RNF144A: variants seen among roughly 807,000 people sequenced by gnomAD.
RNF144A encodes the protein ring finger protein 144A, also known as E3 ubiquitin-protein ligase RNF144A.
In RNF144A, 11 loss-of-function variants were observed where a neutral mutation model predicts 38.7. That is an observed-to-expected ratio of 0.28 (90% CI 0.18 to 0.47). RNF144A has a LOEUF of 0.47. RNF144A is among the 20% of genes least tolerant of loss of function. RNF144A has a pLI of 0.99. For synonymous variants in RNF144A, 149 were observed against 143.9 expected (o/e 1.04, Z -0.25); for missense variants, 316 against 377.2 (o/e 0.84, Z 1.34).
intron 6 of RNF144A, among the ~76,000 whole-genome samples, chr2:7,055,199 G>A (rs759044395): frequency 6.6e-6 from 1 of 152,182 alleles, no homozygotes; most frequent in East Asian, 1.9e-4. Context: ...GCAAATGATG[G>A]AATTATTCAA....
At chr2:7,037,113 A>T (rs1162963570) in intron 8 of RNF144A, among the ~76,000 whole-genome samples, 4 of 152,186 alleles carry the variant, frequency 2.6e-5, no homozygotes, top group African/African-American at 9.7e-5. Flanking sequence ...CAAGTATCTG[A>T]CACACATCCA....
rs542370312 is a variant in RNF144A, at chr2:6,936,416, G to C, written c.-211-4532G>C. ...ATAGATGCATGTGTGTGTGTGTATA[G>C]ATAAATACTCAGACTGCAAAGTTCT... On this transcript the variant is annotated intron_variant, in intron 1 of 8. Transcript: ENST00000320892. Among the ~76,000 whole-genome samples, 13 of 151,834 alleles carry C rather than the reference G, an allele frequency of 8.6e-5. No homozygotes were observed. In the East Asian group the frequency reaches 2.5e-3, roughly 30 times the overall value.
chr2:7,059,413 C>T (rs1490966264), intron 6 of RNF144A, among the ~76,000 whole-genome samples: 2 of 152,204 alleles, frequency 1.3e-5, no homozygotes, highest in Non-Finnish European at 2.9e-5. Flanking sequence ...AAGGCTTCAG[C>T]TTTCAGTACG....
chr2:7,022,664 T>G lies in RNF144A; in HGVS notation c.510-1705T>G, dbSNP rs577315859. Among the ~76,000 whole-genome samples, 6 of 152,342 alleles carry G rather than the reference T, an allele frequency of 3.9e-5. No individual in the cohort carries two copies. The East Asian group carries it at 1.2e-3, about 29-fold the overall frequency. ...ACACCTGGCTTTCAAACCAAAACAA[T>G]GTTATCTAACCTAAAACCCAACCTT... On this transcript the variant is annotated intron_variant, in intron 6 of 8. Coordinates refer to ENST00000320892, the MANE Select transcript of RNF144A (RefSeq NM_014746.6).
chr2:7,060,514 CT>C (rs1430392441), intron 6 of RNF144A, among the ~76,000 whole-genome samples: 1 of 152,182 alleles, frequency 6.6e-6, no homozygotes, highest in African/African-American at 2.4e-5. Context: ...CCTTTATAAC[CT>C]TTCCCCCTGG....
intron 2 of RNF144A, among the ~76,000 whole-genome samples, chr2:6,971,637 G>A (rs1668004329): frequency 6.6e-6 from 1 of 152,188 alleles, no homozygotes; most frequent in Non-Finnish European, 1.5e-5. Context: ...TCTGGCACGT[G>A]TATGGGGAGC....
Position 7,041,245 on chromosome 2 carries a change from G to A in RNF144A, c.*1485G>A, listed in dbSNP as rs1364080647. On this transcript the variant is annotated 3_prime_UTR_variant, in exon 9 of 9. Coordinates refer to ENST00000320892, the MANE Select transcript of RNF144A (RefSeq NM_014746.6). ...CCCATCACAAGCACATTTTTAAAAT[G>A]TTGCTTTGTGTGTGTTTGACTTCTG... 1 of 985,588 alleles carries A rather than the reference G, an allele frequency of 1.0e-6. No individual in the cohort carries two copies. Among genetic ancestry groups the A allele is most frequent in the Non-Finnish European group, 1.2e-6 (1 of 829,890 alleles). The allele number at this position is 985,588 out of a possible 1,614,324, so 61.1% of individuals were successfully genotyped here.
chr2:6,996,936 A>G lies in RNF144A; in HGVS notation c.10A>G (p.Thr4Ala), dbSNP rs364891. The G allele has an allele frequency of 0.81, 1,303,281 of 1,613,358 alleles. 527,705 individuals carry two copies. Among genetic ancestry groups the G allele is most frequent in the South Asian group, 0.92 (84,045 of 91,052 alleles). ...TTCAGACTGTTCTGCGATGACCACA[A>G]CAAGGTACCGGCCCACCTGGGACCT... MTT[T>A]RYRPTWDLAL... is the part of the protein sequence containing the mutation. The change falls in exon 3 of 9, where the codon ACA becomes GCA. Residue 4 changes from threonine (T) to alanine (A), a missense_variant. Transcript: ENST00000320892.
At chr2:6,987,578 T>C (rs755208989) in intron 2 of RNF144A, among the ~76,000 whole-genome samples, 6 of 152,258 alleles carry the variant, frequency 3.9e-5, no homozygotes, top group Non-Finnish European at 5.9e-5. Context: ...TTATGGATGC[T>C]GTCCTCTGCA....
chr2:6,940,094 G>T (rs1558366617), intron 1 of RNF144A, among the ~76,000 whole-genome samples: 1 of 152,120 alleles, frequency 6.6e-6, no homozygotes, highest in Non-Finnish European at 1.5e-5. Context: ...TTGAAAAAAG[G>T]CAGCTGTGAT....
Position 6,997,211 on chromosome 2 carries a change from T to G in RNF144A, c.135+150T>G, listed in dbSNP as rs1669806657. The G allele has an allele frequency of 8.7e-6, 6 of 688,186 alleles. No individual in the cohort carries two copies. In the South Asian group the frequency reaches 1.2e-4, roughly 14 times the overall value. The allele number at this position is 688,186 out of a possible 1,614,324, so 42.6% of individuals were successfully genotyped here. Reference sequence around the variant, plus strand: ...GGCCTTCACACAGTTCTTGGAAGAATTATTCTGTTAGTCAGGCAGGCTCCC... The same window carrying G: ...GGCCTTCACACAGTTCTTGGAAGAAGTATTCTGTTAGTCAGGCAGGCTCCC... On this transcript the variant is annotated intron_variant, in intron 3 of 8. Transcript: ENST00000320892.
rs1362046260 is a variant in RNF144A at position 7,041,302 on chromosome 2, C to T, written c.*1542C>T. The T allele has an allele frequency of 1.0e-6, 1 of 985,718 alleles. No homozygotes were observed. The highest frequency in any genetic ancestry group is 1.1e-4 in the East Asian group (1 of 8,834). 61.1% of individuals were successfully genotyped at this position (985,718 alleles called of 1,614,324 possible). A position where few individuals can be genotyped will look rare whatever the true frequency, so the allele number is the denominator to read the frequency against. On this transcript the variant is annotated 3_prime_UTR_variant, in exon 9 of 9. Coordinates refer to ENST00000320892, the MANE Select transcript of RNF144A (RefSeq NM_014746.6). ...AGTATCAGTCTCAGGTCCTAGTTTA[C>T]TTTCCCTGGTTGGAAATTTATTTCT...
chr2:6,963,001 A>C (rs1218197768), intron 2 of RNF144A, among the ~76,000 whole-genome samples: 2 of 152,246 alleles, frequency 1.3e-5, no homozygotes, highest in Non-Finnish European at 2.9e-5. Context: ...GCAGAGGTCA[A>C]GGATGAAGTC....
rs1264745360 is a variant in RNF144A, at chr2:6,941,571, G to A, written c.-12+424G>A. ...TTGTGAGGAATACAAGTGGAGGATG[G>A]GGGTAGGGACAGTCAGGAAGAGACA... On this transcript the variant is annotated intron_variant, in intron 2 of 8. Transcript: ENST00000320892. The surrounding 1 kb of genome is among the most constrained non-coding windows in gnomAD (Gnocchi z 6.5). Among the ~76,000 whole-genome samples the A allele has an allele frequency of 6.6e-6, 1 of 152,184 alleles. No homozygotes were observed. Among genetic ancestry groups the A allele is most frequent in the South Asian group, 2.1e-4 (1 of 4,838 alleles).
rs575683891 is a variant in RNF144A, at chr2:6,944,461, C to T, written c.-12+3314C>T. The stretch of plus-strand genomic sequence containing the variant: ...CTGGGAAGGCATTGCTAAGGTGTCA[C>T]GGTTGCATTTCCTGGCTGGGGCACT... On this transcript the variant is annotated intron_variant, in intron 2 of 8. Coordinates refer to ENST00000320892, the MANE Select transcript of RNF144A (RefSeq NM_014746.6). The surrounding 1 kb of genome is among the most constrained non-coding windows in gnomAD (Gnocchi z 4.7). Among the ~76,000 whole-genome samples the T allele has an allele frequency of 7.2e-5, 11 of 152,272 alleles. 1 individual carries two copies. In the East Asian group the frequency reaches 1.9e-3, roughly 27 times the overall value.
chr2:7,013,401 CG>C (rs1385202132), intron 3 of RNF144A, among the ~76,000 whole-genome samples: 4 of 152,076 alleles, frequency 2.6e-5, no homozygotes, highest in Non-Finnish European at 5.9e-5. Flanking sequence ...TACGTTTTTG[CG>C]GGGAGATGTC....
intron 1 of RNF144A, among the ~76,000 whole-genome samples, chr2:6,936,844 AGTGTGT>A (rs55971680): frequency 0.02 from 2,839 of 144,166 alleles, 98 homozygotes; most frequent in African/African-American, 0.067. Context: ...CACACACAGT[AGTGTGT>A]GTGTGTGTGT....
In RNF144A at chr2:7,040,225, C is replaced by T; in HGVS notation, c.*465C>T. ...TGACAACTGTTTTTATTACTAATGG[C>T]ATTTAGTAAAATCCTTTTTAGAAGG... is the stretch of plus-strand genomic sequence containing the variant. On this transcript the variant is annotated 3_prime_UTR_variant, in exon 9 of 9. Transcript: ENST00000320892. 1 of 985,942 alleles carries T rather than the reference C, an allele frequency of 1.0e-6. No homozygotes were observed. The highest frequency in any genetic ancestry group is 1.2e-6 in the Non-Finnish European group (1 of 830,340). The allele number at this position is 985,942 out of a possible 1,614,324, so 61.1% of individuals were successfully genotyped here.
chr2:7,061,718 A>T (rs1673963207), intron 6 of RNF144A, among the ~76,000 whole-genome samples: 1 of 152,216 alleles, frequency 6.6e-6, no homozygotes, highest in Non-Finnish European at 1.5e-5. Flanking sequence ...TACTTTGGTA[A>T]CGATGGCATT....
Sources: allele counts gnomAD v4.1 joint callset (sites outside exome capture counted in the v4.1 genomes callset), GRCh38; gene constraint gnomAD v4.1.1; non-coding constraint Gnocchi (gnomAD v3.1); transcripts MANE v1.5; gene names NCBI Gene and HGNC (gene_info 2026-07-23, HGNC 2026-07-21).